Variants in MECOM observed in about 807,000 individuals in gnomAD.
The protein encoded by MECOM is MDS1 and EVI1 complex locus, also known as histone-lysine N-methyltransferase MECOM.
In MECOM, 13 loss-of-function variants were observed where a neutral mutation model predicts 116.3. The ratio of observed to expected loss-of-function variants is 0.11; its 90% CI spans 0.07 to 0.18. MECOM has a LOEUF of 0.18. Ranked by LOEUF, MECOM falls within the 10% of genes least tolerant of loss-of-function variation. The pLI is 1.00. For missense variants in MECOM, 1,299 were observed against 1,509.0 expected (o/e 0.86, Z 2.31); for synonymous variants, 528 against 535.2 (o/e 0.99, Z 0.19).
rs780806279 is a variant in MECOM at position 169,212,633 on chromosome 3, A to AATAT, written c.376-68802_376-68801insATAT. ...ACATAGTCTTGGTCTTCTAGTCAGC[A>AATAT]ATGTATATATATATATATATATATA... On this transcript the variant is annotated intron_variant, in intron 2 of 16. Transcript: ENST00000651503. Among the ~76,000 whole-genome samples the AATAT allele has an allele frequency of 4.0e-3, 339 of 85,494 alleles. 97 individuals are homozygous for AATAT. Among genetic ancestry groups the AATAT allele is most frequent in the Non-Finnish European group, 5.2e-3 (221 of 42,222 alleles). 56.1% of individuals were successfully genotyped at this position (85,494 alleles called of 152,430 possible).
intron 2 of MECOM, among the ~76,000 whole-genome samples, chr3:169,313,840 G>A (rs1470628340): frequency 1.3e-5 from 2 of 152,134 alleles, no homozygotes; most frequent in Admixed American, 1.3e-4. Flanking sequence ...AAGTAAGAGA[G>A]GTAAGGATAT....
At chr3:169,183,870 CTTTTTT>C (rs1024696252) in intron 2 of MECOM, among the ~76,000 whole-genome samples, 1 of 116,802 alleles carries the variant, frequency 8.6e-6, no homozygotes. Flanking sequence ...TCTTTTTTCT[CTTTTTT>C]TTTAGTGAGA....
intron 1 of MECOM, among the ~76,000 whole-genome samples, chr3:169,515,840 C>T (rs10936583): frequency 0.52 from 78,703 of 152,022 alleles, 21,758 homozygotes; most frequent in African/African-American, 0.73. Flanking sequence ...TATTAACATT[C>T]AACATGTATT....
intron 2 of MECOM, among the ~76,000 whole-genome samples, chr3:169,151,926 A>T (rs76038027): frequency 6.6e-6 from 1 of 152,226 alleles, no homozygotes; most frequent in Non-Finnish European, 1.5e-5. Context: ...TATTTAATAG[A>T]GTAAACTTTG....
intron 1 of MECOM, among the ~76,000 whole-genome samples, chr3:169,516,634 C>T (rs1756663914): frequency 6.6e-6 from 1 of 152,160 alleles, no homozygotes; most frequent in Admixed American, 6.5e-5. Context: ...CCACATGTGA[C>T]AGACCCAAGA....
intron 2 of MECOM, among the ~76,000 whole-genome samples, chr3:169,176,743 T>C (rs1383698404): frequency 1.3e-5 from 2 of 152,042 alleles, no homozygotes; most frequent in African/African-American, 4.8e-5. Flanking sequence ...ATACCCAGAA[T>C]TTACAAGGAA....
In MECOM at chr3:169,547,602, T is replaced by C. The variant is rs570804223; in HGVS notation, c.37+115734A>G. Among the ~76,000 whole-genome samples, 14 of 152,328 alleles carry C rather than the reference T, an allele frequency of 9.2e-5. 1 individual carries two copies. In the South Asian group the frequency reaches 2.7e-3, roughly 29 times the overall value. On this transcript the variant is annotated intron_variant, in intron 1 of 16. Transcript: ENST00000651503. Reference sequence around the variant, plus strand: ...CTATGTTATCATTGTAATGGATTGATTGGTGTCTCCCAAAAAGATATGTTC... The same window carrying C: ...CTATGTTATCATTGTAATGGATTGACTGGTGTCTCCCAAAAAGATATGTTC...
chr3:169,492,018 A>G (rs1481581653), intron 1 of MECOM, among the ~76,000 whole-genome samples: 1 of 152,228 alleles, frequency 6.6e-6, no homozygotes, highest in Non-Finnish European at 1.5e-5. Flanking sequence ...TGGGACTAGA[A>G]TTCTTAAAGA....
intron 2 of MECOM, among the ~76,000 whole-genome samples, chr3:169,294,694 G>C (rs188397018): frequency 1.4e-4 from 22 of 152,292 alleles, no homozygotes; most frequent in Admixed American, 1.4e-3. Flanking sequence ...GCTCTAAGGA[G>C]CTTATTGGAC....
At chr3:169,372,948 A>C (rs2108205721) in intron 2 of MECOM, among the ~76,000 whole-genome samples, 2 of 152,128 alleles carry the variant, frequency 1.3e-5, no homozygotes, top group Admixed American at 1.3e-4. Context: ...CTCCGCATGC[A>C]GTTACAATGT....
intron 2 of MECOM, among the ~76,000 whole-genome samples, chr3:169,280,277 T>G (rs998589479): frequency 6.6e-6 from 1 of 152,198 alleles, no homozygotes; most frequent in African/African-American, 2.4e-5. Flanking sequence ...TGATTACCTT[T>G]AACAATCTTT....
chr3:169,219,415 G>A (rs968792304), intron 2 of MECOM, among the ~76,000 whole-genome samples: 2 of 152,200 alleles, frequency 1.3e-5, no homozygotes, highest in Admixed American at 1.3e-4. Context: ...GCTGAGGTAG[G>A]AGAATGGCCT....
intron 2 of MECOM, among the ~76,000 whole-genome samples, chr3:169,180,659 G>A (rs911678905): frequency 1.4e-4 from 21 of 151,586 alleles, no homozygotes; most frequent in African/African-American, 5.1e-4. Context: ...AAGTATTGGA[G>A]CTTCTTCACC....
intron 2 of MECOM, among the ~76,000 whole-genome samples, chr3:169,291,993 G>T (rs1714650894): frequency 6.6e-6 from 1 of 152,230 alleles, no homozygotes; most frequent in East Asian, 1.9e-4. Flanking sequence ...TTGTGTATGA[G>T]GCATGAAACA....
intron 1 of MECOM, among the ~76,000 whole-genome samples, chr3:169,458,821 C>T (rs1360846470): frequency 6.6e-6 from 1 of 152,278 alleles, no homozygotes; most frequent in Admixed American, 6.5e-5. Flanking sequence ...CAGAGGCCAG[C>T]AGGGCGATTA....
At chr3:169,149,599 C>T (rs989669191) in intron 2 of MECOM, 2 of 438,732 alleles carry the variant, frequency 4.6e-6, no homozygotes, top group Non-Finnish European at 4.7e-6. Context: ...CCGCCTCGCC[C>T]GCCGTTCCGC....
chr3:169,415,100 A>C (rs1738317762), intron 1 of MECOM, among the ~76,000 whole-genome samples: 1 of 152,198 alleles, frequency 6.6e-6, no homozygotes, highest in Non-Finnish European at 1.5e-5. Flanking sequence ...TCAAGGTTGA[A>C]ATGAAGGAAA....
At chr3:169,124,920 A>G (rs969833803) in intron 5 of MECOM, among the ~76,000 whole-genome samples, 1 of 152,130 alleles carries the variant, frequency 6.6e-6, no homozygotes, top group African/African-American at 2.4e-5. Context: ...TGCACCTAGA[A>G]TAAATTATCC....
chr3:169,520,452 C>T (rs976393934), intron 1 of MECOM, among the ~76,000 whole-genome samples: 3 of 152,160 alleles, frequency 2.0e-5, no homozygotes, highest in African/African-American at 7.2e-5. Flanking sequence ...GAGCCACATC[C>T]TCTCTAAGCT....
Sources: allele counts gnomAD v4.1 joint callset (sites outside exome capture counted in the v4.1 genomes callset), GRCh38; gene constraint gnomAD v4.1.1; transcripts MANE v1.5; gene names NCBI Gene and HGNC (gene_info 2026-07-23, HGNC 2026-07-21).